The following ADCY6 variants were observed in gnomAD, a reference collection of about 807,000 sequenced individuals.
ADCY6 encodes adenylate cyclase 6.
A neutral mutation model predicts 111.6 loss-of-function variants in ADCY6; 59 were observed. The ratio of observed to expected loss-of-function variants is 0.53; its 90% CI spans 0.43 to 0.66. The LOEUF (loss-of-function observed/expected upper bound fraction) is 0.66. Ranked by LOEUF, ADCY6 falls within the 30% of genes least tolerant of loss-of-function variation. ADCY6 has a pLI of 0.00. For missense variants in ADCY6, 1,242 were observed against 1,595.6 expected (o/e 0.78, Z 3.78); for synonymous variants, 576 against 642.9 (o/e 0.90, Z 1.57).
intron 14 of ADCY6, 68 bp downstream of exon 14, chr12:48,774,334 G>C: frequency 6.9e-7 from 1 of 1,446,874 alleles, no homozygotes; most frequent in Admixed American, 1.7e-5. Flanking sequence ...TTTCTCCGCT[G>C]TACTCCCAGT....
At position 48,783,255 on chromosome 12, in the gene ADCY6, G is replaced by A. The variant is rs1941901654; in HGVS notation, c.180C>T (p.Pro60=). Residue 60 remains proline (P), a synonymous_variant, in exon 2 of 22, where the codon CCC becomes CCT. Transcript: ENST00000357869. ...AEPPSPTPAG[P]PRCPWQDDAF... The stretch of plus-strand genomic sequence containing the variant: ...CGTCATCCTGCCAGGGGCACCGAGG[G>A]GGGCCCGCAGGGGTGGGGCTGGGTG... 1 of 1,610,690 alleles carries A rather than the reference G, an allele frequency of 6.2e-7. No homozygotes were observed. The highest frequency in any genetic ancestry group is 2.2e-5 in the East Asian group (1 of 44,838).
At chr12:48,785,173 C>T (rs1390272983) in intron 1 of ADCY6, among the ~76,000 whole-genome samples, 1 of 152,174 alleles carries the variant, frequency 6.6e-6, no homozygotes, top group Non-Finnish European at 1.5e-5. Flanking sequence ...TATGCTTTTT[C>T]TCCATAGCTC....
Position 48,768,377 on chromosome 12 carries a change from A to T in ADCY6, c.*214T>A, listed in dbSNP as rs1227330385. Reference sequence around the variant, plus strand: ...AACAGCCCTACCCCAAGTAAGAAAGAAAGTCACTTGCATAATCCTCTCGGT... The same window carrying T: ...AACAGCCCTACCCCAAGTAAGAAAGTAAGTCACTTGCATAATCCTCTCGGT... On this transcript the variant is annotated 3_prime_UTR_variant, in exon 22 of 22. Coordinates refer to ENST00000357869, the MANE Select transcript of ADCY6 (RefSeq NM_015270.5). 1.2e-5 allele frequency: 8 copies of T among 665,382 alleles called. No individual in the cohort carries two copies. Among genetic ancestry groups the T allele is most frequent in the Non-Finnish European group, 2.0e-5 (8 of 394,648 alleles). 41.2% of individuals were successfully genotyped at this position (665,382 alleles called of 1,614,324 possible).
chr12:48,774,813 T>A, intron 12 of ADCY6, 35 bp from the exon 13 acceptor site: 1 of 1,597,122 alleles, frequency 6.3e-7, no homozygotes, highest in South Asian at 1.1e-5. Flanking sequence ...ATCATTTAAT[T>A]CTGGAAGATC....
chr12:48,775,284 T>A lies in ADCY6; in HGVS notation c.1980+19A>T. 6.2e-7 allele frequency: 1 copy of A among 1,613,746 alleles called. No individual in the cohort carries two copies. Among genetic ancestry groups the A allele is most frequent in the South Asian group, 1.1e-5 (1 of 91,070 alleles). On this transcript the variant is annotated intron_variant, in intron 11 of 21. Coordinates refer to ENST00000357869, the MANE Select transcript of ADCY6 (RefSeq NM_015270.5). ...GCCCCTCCCCCAGCCCTTGTCCTTCTGCCCTGTATCCCTCAAACCTTCTTC... is the reference window on the plus strand; with the variant it reads ...GCCCCTCCCCCAGCCCTTGTCCTTCAGCCCTGTATCCCTCAAACCTTCTTC...
Position 48,775,466 on chromosome 12 carries a change from A to G in ADCY6, c.1833-16T>C, listed in dbSNP as rs1003081171. On this transcript the variant is annotated splice_polypyrimidine_tract_variant and intron_variant, in intron 10 of 21. Coordinates refer to ENST00000357869, the MANE Select transcript of ADCY6 (RefSeq NM_015270.5). ...GGTGCCCCGGCTGAGGGCAGGAGACATGGTTTCACCAGTTGCATGGGCATG... is the reference window on the plus strand; with the variant it reads ...GGTGCCCCGGCTGAGGGCAGGAGACGTGGTTTCACCAGTTGCATGGGCATG... 1 of 1,613,842 alleles carries G rather than the reference A, an allele frequency of 6.2e-7. No individual in the cohort carries two copies. Among genetic ancestry groups the G allele is most frequent in the Middle Eastern group, 1.7e-4 (1 of 6,058 alleles).
At chr12:48,783,916 C>G (rs142516815) in intron 1 of ADCY6, 1 of 158,644 alleles carries the variant, frequency 6.3e-6, no homozygotes, top group Admixed American at 6.0e-5. Context: ...AACCTCGTCT[C>G]TACTAAAAAT....
intron 17 of ADCY6, 34 bp downstream of exon 17, chr12:48,772,474 C>T: frequency 1.9e-6 from 3 of 1,614,234 alleles, no homozygotes; most frequent in African/African-American, 1.3e-5. Context: ...CATCTAATGG[C>T]TCTACCCTTT....
rs1466902971 is a variant in ADCY6, at chr12:48,782,550, C to T, written c.864+21G>A. 1.3e-6 allele frequency: 2 copies of T among 1,595,174 alleles called. No homozygotes were observed. Among genetic ancestry groups the T allele is most frequent in the Non-Finnish European group, 1.7e-6 (2 of 1,170,532 alleles). ...AATTCCCCACCTGCTGCCCTCCATC[C>T]CTACCTCCCTGGCCACCTACCTGCT... On this transcript the variant is annotated intron_variant, in intron 2 of 21. Coordinates refer to ENST00000357869, the MANE Select transcript of ADCY6 (RefSeq NM_015270.5). The surrounding 1 kb of genome is among the most constrained non-coding windows in gnomAD (Gnocchi z 4.3).
chr12:48,777,285 G>C lies in ADCY6; in HGVS notation c.1249-54C>G. ...TAACCTTTACTCTCTTGCCCACCCA[G>C]CCTGCATGGCCCACCACCCTCCACG... On this transcript the variant is annotated intron_variant, in intron 5 of 21. Coordinates refer to ENST00000357869, the MANE Select transcript of ADCY6 (RefSeq NM_015270.5). The surrounding 1 kb of genome is among the most constrained non-coding windows in gnomAD (Gnocchi z 4.9). 1 of 1,594,386 alleles carries C rather than the reference G, an allele frequency of 6.3e-7. No individual in the cohort carries two copies. The highest frequency in any genetic ancestry group is 8.5e-7 in the Non-Finnish European group (1 of 1,169,906).
rs1941538321 is a variant in ADCY6 at position 48,771,434 on chromosome 12, A to G, written c.3051+276T>C. ...TCCACAGACTATTGCCTTCTTCTTC[A>G]GTGACATCCACCTGGTACCTATCCT... On this transcript the variant is annotated intron_variant, in intron 19 of 21. Coordinates refer to ENST00000357869, the MANE Select transcript of ADCY6 (RefSeq NM_015270.5). The surrounding 1 kb of genome is among the most constrained non-coding windows in gnomAD (Gnocchi z 4.3). 1.8e-6 allele frequency: 1 copy of G among 567,654 alleles called. No homozygotes were observed. Among genetic ancestry groups the G allele is most frequent in the Non-Finnish European group, 3.2e-6 (1 of 313,812 alleles). 35.2% of individuals were successfully genotyped at this position (567,654 alleles called of 1,614,324 possible).
rs1158159063 is a variant in ADCY6, at chr12:48,770,853, T to C, written c.3169A>G (p.Thr1057Ala). The stretch of plus-strand genomic sequence containing the variant: ...CGCATGGCGTAGTCAGCCAGGGCAG[T>C]GATGTGGGAGCGGCCCACCTGATCG... ...TYDQVGRSHI[T>A]ALADYAMRLM... The change falls in exon 20 of 22, where the codon ACT (threonine) becomes GCT (alanine). Residue 1057 changes from threonine to alanine, a missense_variant. Around this residue, in one of 4 missense-constraint regions of ADCY6, gnomAD observed 245 missense variants for 371.3 expected, o/e 0.66. Coordinates refer to ENST00000357869, the MANE Select transcript of ADCY6 (RefSeq NM_015270.5). 4 of 1,614,204 alleles carry C rather than the reference T, an allele frequency of 2.5e-6. No individual in the cohort carries two copies. The highest frequency in any genetic ancestry group is 3.4e-6 in the Non-Finnish European group (4 of 1,180,032).
Position 48,776,779 on chromosome 12 carries a change from C to G in ADCY6, c.1377-193G>C, listed in dbSNP as rs1282570912. 6.6e-6 allele frequency among the ~76,000 whole-genome samples: 1 copy of G among 152,196 alleles called. No individual in the cohort carries two copies. The highest frequency in any genetic ancestry group is 1.5e-5 in the Non-Finnish European group (1 of 68,030). On this transcript the variant is annotated intron_variant, in intron 6 of 21. Coordinates refer to ENST00000357869, the MANE Select transcript of ADCY6 (RefSeq NM_015270.5). This position sits in a 1 kb window ranked among gnomAD's most constrained non-coding sequence, Gnocchi z 6.1. ...GGACAAATGTTAAGGCTGTGTTCAA[C>G]AGCAGGGGCCCAGCAGCATCTTATG...
chr12:48,770,678 A>C, intron 20 of ADCY6, 88 bp downstream of exon 20: 1 of 1,372,402 alleles, frequency 7.3e-7, no homozygotes, highest in Non-Finnish European at 1.0e-6. Flanking sequence ...CCCTGATGGG[A>C]AATCTGTGAT....
chr12:48,775,610 C>T (rs371240975), intron 10 of ADCY6, 63 bp downstream of exon 10: 62 of 1,589,114 alleles, frequency 3.9e-5, no homozygotes, highest in Middle Eastern at 1.7e-4. Context: ...AGGAGGATCT[C>T]GGCTCCCCCC....
intron 1 of ADCY6, among the ~76,000 whole-genome samples, chr12:48,784,669 T>TTTTG (rs1941944517): frequency 7.5e-6 from 1 of 133,928 alleles, no homozygotes; most frequent in African/African-American, 2.9e-5. Flanking sequence ...TCTGGAGTTT[T>TTTTG]TTTTTTTTTT....
intron 9 of ADCY6, 35 bp from the exon 10 acceptor site, chr12:48,775,733 G>A (rs776821855): frequency 1.8e-5 from 29 of 1,607,828 alleles, no homozygotes; most frequent in Non-Finnish European, 2.4e-5. Flanking sequence ...GTGAGGTGAA[G>A]GGCCAACAAC....
intron 16 of ADCY6, 152 bp downstream of exon 16, chr12:48,773,317 C>T: frequency 1.2e-6 from 1 of 855,044 alleles, no homozygotes; most frequent in Non-Finnish European, 1.8e-6. Flanking sequence ...TTTGGGGTCA[C>T]ATGCTGGGAG....
Position 48,776,073 on chromosome 12 carries a change from G to C in ADCY6, c.1696C>G (p.Leu566Val). 6.2e-7 allele frequency: 1 copy of C among 1,613,528 alleles called. No homozygotes were observed. Among genetic ancestry groups the C allele is most frequent in the Non-Finnish European group, 8.5e-7 (1 of 1,179,692 alleles). Residue 566 changes from leucine to valine, a missense_variant, in exon 9 of 22, where the codon CTG (leucine) becomes GTG (valine). Around this residue, in one of 4 missense-constraint regions of ADCY6, gnomAD observed 375 missense variants for 432.5 expected, o/e 0.87. Coordinates refer to ENST00000357869, the MANE Select transcript of ADCY6 (RefSeq NM_015270.5). This position sits in a 1 kb window ranked among gnomAD's most constrained non-coding sequence, Gnocchi z 6.1. ...GCCCGAGTCCGCTGCAGCTTGGCCA[G>C]CATGGCCTTCTCCTCTTTCTGTGCG... ...SQKRKEEKAM[L>V]AKLQRTRANS...
Sources: allele counts gnomAD v4.1 joint callset (sites outside exome capture counted in the v4.1 genomes callset), GRCh38; gene constraint gnomAD v4.1.1; regional missense constraint gnomAD v4.1.1; non-coding constraint Gnocchi (gnomAD v3.1); transcripts MANE v1.5; gene names NCBI Gene and HGNC (gene_info 2026-07-23, HGNC 2026-07-21).